CTNNA3: variants seen among roughly 807,000 people sequenced by gnomAD.
CTNNA3 encodes the protein catenin alpha 3.
A neutral mutation model predicts 95.7 loss-of-function variants in CTNNA3; 76 were observed. The ratio of observed to expected loss-of-function variants is 0.79; its 90% confidence interval spans 0.66 to 0.96. CTNNA3 has a LOEUF of 0.96. Ranked by LOEUF, CTNNA3 falls within the 40% of genes least tolerant of loss-of-function variation. CTNNA3 has a pLI of 0.00. For missense variants in CTNNA3, 1,191 were observed against 1,089.8 expected (o/e 1.09, Z -1.31); for synonymous variants, 431 against 374.4 (o/e 1.15, Z -1.74).
intron 7 of CTNNA3, among the ~76,000 whole-genome samples, chr10:67,009,715 C>A (rs1390171561): frequency 2.0e-5 from 3 of 152,054 alleles, no homozygotes; most frequent in Non-Finnish European, 4.4e-5. Flanking sequence ...AGAGAAAAAA[C>A]AGGAGCAGTT....
Position 67,472,544 on chromosome 10 carries a change from C to T in CTNNA3, c.579+49298G>A, listed in dbSNP as rs1315724318. Among the ~76,000 whole-genome samples, 5 of 152,210 alleles carry T rather than the reference C, an allele frequency of 3.3e-5. No individual in the cohort carries two copies. In the South Asian group the frequency reaches 8.3e-4, roughly 25 times the overall value. ...GCCATGACAAATGTCATGGCAATGC[C>T]CAAAAGTTAACTCTGTATGGTCTGG... On this transcript the variant is annotated intron_variant, in intron 5 of 17. Transcript: ENST00000433211.
At chr10:67,258,520 G>A (rs774489267) in intron 5 of CTNNA3, among the ~76,000 whole-genome samples, 3 of 152,000 alleles carry the variant, frequency 2.0e-5, no homozygotes, top group Non-Finnish European at 1.5e-5. Flanking sequence ...TTCCAAAAGC[G>A]AACACCTAGA....
chr10:67,307,660 T>C (rs1406795284), intron 5 of CTNNA3, among the ~76,000 whole-genome samples: 1 of 152,198 alleles, frequency 6.6e-6, no homozygotes, highest in Non-Finnish European at 1.5e-5. Context: ...ATTCTAGATA[T>C]GTCAGTATCA....
intron 12 of CTNNA3, among the ~76,000 whole-genome samples, chr10:66,294,914 G>GAGAGAGAGA (rs1554924832): frequency 1.3e-5 from 2 of 150,502 alleles, no homozygotes; most frequent in African/African-American, 2.5e-5. Context: ...GAGAGAGAGA[G>GAGAGAGAGA]GGATTTGGTA....
Position 66,422,015 on chromosome 10 carries a change from T to G in CTNNA3, c.1532-42663A>C, listed in dbSNP as rs115520523. On this transcript the variant is annotated intron_variant, in intron 11 of 17. Coordinates refer to ENST00000433211, the MANE Select transcript of CTNNA3 (RefSeq NM_013266.4). ...GAAATACCTTGGACATGGATTGTAT[T>G]TTTTCCAAATGAAATTCCTACAAAT... 6.7e-3 allele frequency among the ~76,000 whole-genome samples: 1,021 copies of G among 151,298 alleles called. 10 individuals are homozygous for G. The highest frequency in any genetic ancestry group is 0.023 in the African/African-American group (967 of 41,208).
intron 5 of CTNNA3, among the ~76,000 whole-genome samples, chr10:67,511,782 C>T (rs1178366039): frequency 2.0e-5 from 3 of 152,182 alleles, no homozygotes; most frequent in African/African-American, 4.8e-5. Flanking sequence ...ACCAGCTCCT[C>T]TTTGTACCTC....
At chr10:67,721,176 T>C (rs780804309) in intron 1 of CTNNA3, among the ~76,000 whole-genome samples, 1 of 152,176 alleles carries the variant, frequency 6.6e-6, no homozygotes, top group Non-Finnish European at 1.5e-5. Context: ...TGGTGTTCTC[T>C]GTATTTCCTC....
chr10:66,245,307 A>G (rs1213459794), intron 13 of CTNNA3, among the ~76,000 whole-genome samples: 1 of 152,198 alleles, frequency 6.6e-6, no homozygotes, highest in African/African-American at 2.4e-5. Context: ...ACAAGGAACT[A>G]CAGAAACCCA....
intron 13 of CTNNA3, among the ~76,000 whole-genome samples, chr10:66,242,504 A>T (rs1273300010): frequency 1.3e-5 from 2 of 152,208 alleles, no homozygotes; most frequent in African/African-American, 4.8e-5. Context: ...ATGAAAAATT[A>T]TTGATAAAAA....
At chr10:65,985,902 G>T (rs758741296) in intron 16 of CTNNA3, among the ~76,000 whole-genome samples, 1 of 151,370 alleles carries the variant, frequency 6.6e-6, no homozygotes, top group Non-Finnish European at 1.5e-5. Context: ...AAACAATCCA[G>T]TTATAACTTT....
At chr10:66,241,689 A>G (rs1018495052) in intron 13 of CTNNA3, among the ~76,000 whole-genome samples, 1 of 139,486 alleles carries the variant, frequency 7.2e-6, no homozygotes, top group Admixed American at 7.9e-5. Flanking sequence ...TGATATGGCT[A>G]TAGAAAGAAA....
At chr10:66,309,903 C>CA (rs1336126007) in intron 12 of CTNNA3, among the ~76,000 whole-genome samples, 3 of 120,638 alleles carry the variant, frequency 2.5e-5, no homozygotes, top group African/African-American at 6.1e-5. Flanking sequence ...ACCAAAGATA[C>CA]AAAAAATAAA....
chr10:67,047,128 T>C (rs1001321185), intron 7 of CTNNA3, among the ~76,000 whole-genome samples: 1 of 152,204 alleles, frequency 6.6e-6, no homozygotes, highest in Non-Finnish European at 1.5e-5. Context: ...ACAGTACACT[T>C]ATCTTCTCCC....
In CTNNA3 at chr10:67,722,613, G is replaced by A. The variant is rs906865922; in HGVS notation, c.-2+40821C>T. On this transcript the variant is annotated intron_variant, in intron 1 of 17. Transcript: ENST00000684154. ...CCTTTACAAAGTGGAAACAAATCAC[G>A]GCAAAGACATATAATTATGTATCAG... Among the ~76,000 whole-genome samples, 22 of 152,034 alleles carry A rather than the reference G, an allele frequency of 1.4e-4. 1 individual carries two copies. The highest frequency in any genetic ancestry group is 1.3e-3 in the Admixed American group (20 of 15,260).
At chr10:66,647,208 C>A (rs961714017) in intron 9 of CTNNA3, among the ~76,000 whole-genome samples, 1 of 152,132 alleles carries the variant, frequency 6.6e-6, no homozygotes, top group African/African-American at 2.4e-5. Flanking sequence ...TCATACACTA[C>A]AAGCCAGGAG....
chr10:67,577,263 G>C (rs1006212394), intron 3 of CTNNA3, among the ~76,000 whole-genome samples: 2 of 151,968 alleles, frequency 1.3e-5, no homozygotes, highest in East Asian at 3.9e-4. Context: ...GTGTGAGATG[G>C]TATCTCATTG....
At chr10:66,635,670 G>A (rs1312940976) in intron 9 of CTNNA3, among the ~76,000 whole-genome samples, 1 of 152,040 alleles carries the variant, frequency 6.6e-6, no homozygotes, top group Non-Finnish European at 1.5e-5. Context: ...AAACTTCCTG[G>A]ATGTGGATGA....
chr10:67,735,146 A>AACACAC (rs200624685), intron 1 of CTNNA3, among the ~76,000 whole-genome samples: 2 of 85,830 alleles, frequency 2.3e-5, no homozygotes, highest in Non-Finnish European at 4.5e-5. Flanking sequence ...CACACACACA[A>AACACAC]ACACACACAC....
intron 17 of CTNNA3, among the ~76,000 whole-genome samples, chr10:65,943,538 C>T (rs1381442622): frequency 2.0e-5 from 3 of 152,202 alleles, no homozygotes; most frequent in Non-Finnish European, 4.4e-5. Context: ...ATGCAACTAG[C>T]AGGGTGAATG....
Sources: gnomAD v4.1 joint callset for allele counts (sites outside exome capture counted in the v4.1 genomes callset) on GRCh38, gnomAD v4.1.1 for gene constraint, MANE v1.5 for transcripts, NCBI Gene and HGNC (gene_info 2026-07-23, HGNC 2026-07-21) for gene names.